The following TMPO variants were observed in gnomAD, a reference collection of about 807,000 sequenced individuals.
The protein encoded by TMPO is LEM domain containing 4.
TMPO carries 22 observed loss-of-function variants against 45.4 expected under a neutral mutation model. The observed-to-expected ratio is 0.48, with a 90% CI of 0.35 to 0.69. The LOEUF is 0.69. Among genes scored for constraint, TMPO ranks in the 30% least tolerant of loss-of-function variants. The pLI is 0.01. For synonymous variants in TMPO, 241 were observed against 204.1 expected (o/e 1.18, Z -1.54); for missense variants, 512 against 548.8 (o/e 0.93, Z 0.67).
intron 1 of TMPO, among the ~76,000 whole-genome samples, chr12:98,518,340 G>A (rs111838369): frequency 3.3e-5 from 5 of 152,114 alleles, no homozygotes; most frequent in African/African-American, 7.2e-5. Context: ...TGCCCAGGCC[G>A]GAGTGCAGGG....
chr12:98,540,208 G>C (rs1307848980), intron 4 of TMPO, among the ~76,000 whole-genome samples: 2 of 152,060 alleles, frequency 1.3e-5, no homozygotes, highest in Non-Finnish European at 2.9e-5. Context: ...TTCTCTATAC[G>C]CTGCATTTTC....
At chr12:98,532,249 A>T (rs1228653438) in intron 3 of TMPO, 1 of 164,206 alleles carries the variant, frequency 6.1e-6, no homozygotes, top group African/African-American at 2.4e-5. Context: ...ATTATTTTAT[A>T]CTTTAAGAAT....
At position 98,547,885 on chromosome 12, in the gene TMPO, T is replaced by G. The variant is rs1878322935; in HGVS notation, c.*27T>G. The G allele has an allele frequency of 1.9e-6, 3 of 1,611,748 alleles. No individual in the cohort carries two copies. Among genetic ancestry groups the G allele is most frequent in the Non-Finnish European group, 2.5e-6 (3 of 1,178,952 alleles). On this transcript the variant is annotated 3_prime_UTR_variant, in exon 9 of 9. Transcript: ENST00000556029. Reference sequence around the variant, plus strand: ...TGGTATCTCTTTGGCACGTTCAACTTGGTCTCCTATTTTCAATAACTGTTG... The same window carrying G: ...TGGTATCTCTTTGGCACGTTCAACTGGGTCTCCTATTTTCAATAACTGTTG...
At chr12:98,534,747 G>A in intron 3 of TMPO, 1 of 1,016,452 alleles carries the variant, frequency 9.8e-7, no homozygotes, top group Non-Finnish European at 1.2e-6. Flanking sequence ...TCAGAACAGT[G>A]ATGTTGTTCT....
chr12:98,523,796 C>G (rs1262191568), intron 1 of TMPO, among the ~76,000 whole-genome samples: 1 of 152,128 alleles, frequency 6.6e-6, no homozygotes, highest in Non-Finnish European at 1.5e-5. Flanking sequence ...CAGCCTCAGC[C>G]TGCCGAGTAG....
chr12:98,524,303 G>T (rs1876595228), intron 1 of TMPO, among the ~76,000 whole-genome samples: 1 of 152,200 alleles, frequency 6.6e-6, no homozygotes, highest in Non-Finnish European at 1.5e-5. Context: ...GCTGGGTGCT[G>T]TGGCTCACGC....
intron 1 of TMPO, among the ~76,000 whole-genome samples, chr12:98,523,555 TC>T (rs1876542653): frequency 6.6e-6 from 1 of 151,506 alleles, no homozygotes; most frequent in African/African-American, 2.4e-5. Context: ...AAAAAAAAAA[TC>T]ACGTTTTTGG....
chr12:98,533,327 G>A, intron 3 of TMPO: 1 of 1,614,172 alleles, frequency 6.2e-7, no homozygotes, highest in Non-Finnish European at 8.5e-7. Context: ...TCCAGTAAAA[G>A]GAAAGCACTA....
At chr12:98,533,333 C>T (rs1877333969) in intron 3 of TMPO, 2 of 1,614,088 alleles carry the variant, frequency 1.2e-6, no homozygotes, top group Non-Finnish European at 1.7e-6. Context: ...AAAAGGAAAG[C>T]ACTAGAAGAG....
At chr12:98,534,899 A>G (rs1026483510) in intron 3 of TMPO, 1 of 981,046 alleles carries the variant, frequency 1.0e-6, no homozygotes, top group African/African-American at 1.7e-5. Context: ...TCAAAGCACC[A>G]GTCTACAAAC....
intron 2 of TMPO, among the ~76,000 whole-genome samples, chr12:98,528,554 G>A (rs1018115840): frequency 4.6e-5 from 7 of 151,978 alleles, no homozygotes; most frequent in African/African-American, 1.7e-4. Context: ...TGGGATTACA[G>A]GTGTGAGCCA....
At chr12:98,538,628 C>CAG (rs1037005370) in intron 4 of TMPO, among the ~76,000 whole-genome samples, 52 of 152,188 alleles carry the variant, frequency 3.4e-4, no homozygotes, top group African/African-American at 1.1e-3. Flanking sequence ...GCTGGGATTA[C>CAG]AGGTGTGAGC....
intron 1 of TMPO, 89 bp downstream of exon 1, chr12:98,516,235 G>A (rs1409247106): frequency 1.5e-6 from 2 of 1,304,034 alleles, no homozygotes; most frequent in East Asian, 6.4e-5. Flanking sequence ...CCTCCCGGGC[G>A]CCCCCTCGGG....
At position 98,516,013 on chromosome 12, in the gene TMPO, A is replaced by G. The variant is rs763329184; in HGVS notation, c.146A>G (p.Asn49Ser). The G allele has an allele frequency of 5.6e-6, 9 of 1,608,588 alleles. No homozygotes were observed. Among genetic ancestry groups the G allele is most frequent in the African/African-American group, 2.7e-5 (2 of 74,862 alleles). Residue 49 changes from asparagine (N) to serine (S), a missense_variant, in exon 1 of 9, where the codon AAC (asparagine) becomes AGC (serine). Around this residue, in one of 3 missense-constraint regions of TMPO, gnomAD observed 299 missense variants for 296.7 expected, o/e 1.01. Transcript: ENST00000556029. ...TACCTGCAGCACCTCACGGCTCGCA[A>G]CCGGCCGCCGCTCCCCGCCGGCACC... ...QLYLQHLTAR[N>S]RPPLPAGTNS... is the part of the protein sequence containing the mutation.
chr12:98,535,937 T>A (rs1461095630), intron 3 of TMPO, among the ~76,000 whole-genome samples: 2 of 152,208 alleles, frequency 1.3e-5, no homozygotes, highest in African/African-American at 4.8e-5. Context: ...TTTCTAGTTC[T>A]TAGATTCTGA....
At chr12:98,536,526 G>A (rs1463269421) in intron 3 of TMPO, among the ~76,000 whole-genome samples, 1 of 152,034 alleles carries the variant, frequency 6.6e-6, no homozygotes, top group Non-Finnish European at 1.5e-5. Flanking sequence ...GCTAATGTTT[G>A]TATTTTTAGT....
chr12:98,518,891 T>G (rs1401128095), intron 1 of TMPO, among the ~76,000 whole-genome samples: 1 of 151,768 alleles, frequency 6.6e-6, no homozygotes, highest in African/African-American at 2.4e-5. Flanking sequence ...ATGAAGGGTT[T>G]TTTTTTTTTG....
chr12:98,521,394 G>A (rs934663337), intron 1 of TMPO, among the ~76,000 whole-genome samples: 10 of 152,066 alleles, frequency 6.6e-5, no homozygotes, highest in African/African-American at 2.2e-4. Context: ...TTACAGACGT[G>A]AGCCACCGTG....
chr12:98,523,763 C>G (rs982176192), intron 1 of TMPO, among the ~76,000 whole-genome samples: 12 of 152,136 alleles, frequency 7.9e-5, no homozygotes, highest in African/African-American at 2.9e-4. Context: ...GCAATCTCCG[C>G]CTCCCCAATT....
Sources: gnomAD v4.1 joint callset for allele counts (sites outside exome capture counted in the v4.1 genomes callset) on GRCh38, gnomAD v4.1.1 for gene constraint, gnomAD v4.1.1 regional missense constraint, MANE v1.5 for transcripts, NCBI Gene and HGNC (gene_info 2026-07-23, HGNC 2026-07-21) for gene names.